The following ZFHX3 variants were observed in gnomAD, a reference collection of about 807,000 sequenced individuals.
The protein encoded by ZFHX3 is zinc finger homeobox protein 3.
ZFHX3 carries 42 observed loss-of-function variants against 279.1 expected under a neutral mutation model. The ratio of observed to expected loss-of-function variants is 0.15; its 90% confidence interval spans 0.12 to 0.19. ZFHX3 has a LOEUF of 0.19. ZFHX3 is among the 10% of genes least tolerant of loss of function. The probability of loss-of-function intolerance (pLI) is 1.00; values close to 1 mark genes in which losing one functional copy is unlikely to be tolerated. For missense variants in ZFHX3, 4,981 were observed against 4,754.0 expected (o/e 1.05, Z -1.40); for synonymous variants, 2,293 against 1,957.8 (o/e 1.17, Z -4.52).
intron 3 of ZFHX3, among the ~76,000 whole-genome samples, chr16:72,944,900 A>G (rs1960590248): frequency 6.6e-6 from 1 of 152,222 alleles, no homozygotes; most frequent in African/African-American, 2.4e-5. Context: ...TAAAAGTGCT[A>G]TGGTTAATGG....
chr16:73,074,702 A>T (rs183203033), intron 8 of ZFHX3, among the ~76,000 whole-genome samples: 117 of 147,454 alleles, frequency 7.9e-4, no homozygotes, highest in Non-Finnish European at 1.4e-3. Context: ...GGAAGGAGGG[A>T]AGGGAGGGAG....
chr16:73,370,533 G>T (rs1170698115), intron 3 of ZFHX3, among the ~76,000 whole-genome samples: 1 of 152,184 alleles, frequency 6.6e-6, no homozygotes, highest in Admixed American at 6.5e-5. Context: ...GCTCCCTGGA[G>T]TGGCTAGCTG....
intron 4 of ZFHX3, among the ~76,000 whole-genome samples, chr16:73,265,907 A>G (rs149428229): frequency 7.0e-4 from 106 of 152,348 alleles, no homozygotes; most frequent in Non-Finnish European, 1.1e-3. Context: ...AATAAGGAAA[A>G]TGTAAACAGC....
At chr16:73,391,910 C>T (rs557522684) in intron 3 of ZFHX3, among the ~76,000 whole-genome samples, 6 of 152,162 alleles carry the variant, frequency 3.9e-5, no homozygotes, top group African/African-American at 1.2e-4. Flanking sequence ...AAAAACAGAA[C>T]CACTGAAAAC....
At position 73,700,127 on chromosome 16, in the gene ZFHX3, G is replaced by T. The variant is rs2053233826; in HGVS notation, c.-1607-19887C>A. The stretch of plus-strand genomic sequence containing the variant: ...GGTCTCAGCTACGTGAAAGGCCGAT[G>T]TGGGAGGATCACTTGAGCTGGGAAA... On this transcript the variant is annotated intron_variant, in intron 1 of 17. Transcript: ENST00000641206. Among the ~76,000 whole-genome samples, 5 of 152,120 alleles carry T rather than the reference G, an allele frequency of 3.3e-5. No homozygotes were observed. In the South Asian group the frequency reaches 1.0e-3, roughly 32 times the overall value.
At chr16:73,876,944 T>A (rs60191342) in intron 1 of ZFHX3, among the ~76,000 whole-genome samples, 1 of 151,884 alleles carries the variant, frequency 6.6e-6, no homozygotes, top group Non-Finnish European at 1.5e-5. Context: ...TTAAATATTG[T>A]GAAGCCAATT....
chr16:73,101,101 C>T (rs1006659793), intron 7 of ZFHX3, among the ~76,000 whole-genome samples: 1 of 151,882 alleles, frequency 6.6e-6, no homozygotes, highest in African/African-American at 2.4e-5. Flanking sequence ...CTCTGAGTCC[C>T]GCTTGCCTTC....
At position 72,797,933 on chromosome 16, in the gene ZFHX3, A is replaced by G; in HGVS notation, c.4749T>C (p.Gly1583=). Reference sequence around the variant, plus strand: ...CTGGGCTGCTGGTGGGTTCTGGCTGACCGGTTGCTGATTCTTGAAGGGCTC... The same window carrying G: ...CTGGGCTGCTGGTGGGTTCTGGCTGGCCGGTTGCTGATTCTTGAAGGGCTC... ...LKRALQESAT[G]QPEPTSSPDN... is the part of the protein sequence containing the mutation. Residue 1583 remains glycine (G), a synonymous_variant, in exon 9 of 10, where the codon GGT becomes GGC. Coordinates refer to ENST00000268489, the MANE Select transcript of ZFHX3 (RefSeq NM_006885.4). 6.2e-7 allele frequency: 1 copy of G among 1,614,128 alleles called. No homozygotes were observed. Among genetic ancestry groups the G allele is most frequent in the Non-Finnish European group, 8.5e-7 (1 of 1,180,024 alleles).
chr16:73,824,024 T>G (rs1483775340), intron 1 of ZFHX3, among the ~76,000 whole-genome samples: 2 of 152,180 alleles, frequency 1.3e-5, no homozygotes, highest in Admixed American at 1.3e-4. Context: ...ACATCTCAAG[T>G]TGATTCCCTT....
At chr16:73,136,321 T>C (rs569916195) in intron 6 of ZFHX3, among the ~76,000 whole-genome samples, 25 of 152,324 alleles carry the variant, frequency 1.6e-4, no homozygotes, top group Admixed American at 1.6e-3. Flanking sequence ...GCCTTGTTTT[T>C]GGAATTTGGG....
chr16:73,597,889 T>A (rs1011073875), intron 2 of ZFHX3, among the ~76,000 whole-genome samples: 2 of 152,240 alleles, frequency 1.3e-5, no homozygotes, highest in Non-Finnish European at 2.9e-5. Flanking sequence ...AGTATAGCCC[T>A]TGGGTGTGAA....
intron 1 of ZFHX3, among the ~76,000 whole-genome samples, chr16:73,839,552 A>G (rs1282028852): frequency 6.6e-6 from 1 of 152,150 alleles, no homozygotes; most frequent in Non-Finnish European, 1.5e-5. Flanking sequence ...ACATCAGTTC[A>G]ATGGAATACA....
intron 1 of ZFHX3, among the ~76,000 whole-genome samples, chr16:73,687,306 C>T (rs2053098968): frequency 6.7e-6 from 1 of 150,318 alleles, no homozygotes; most frequent in Admixed American, 6.6e-5. Context: ...GTGGAAGGAT[C>T]ACTTGAGCTT....
At chr16:73,501,346 G>C (rs931769927) in intron 2 of ZFHX3, among the ~76,000 whole-genome samples, 3 of 152,154 alleles carry the variant, frequency 2.0e-5, no homozygotes, top group Non-Finnish European at 4.4e-5. Flanking sequence ...ACACACTCAC[G>C]TACAGACAAT....
At chr16:73,438,001 C>T (rs116641798) in intron 3 of ZFHX3, among the ~76,000 whole-genome samples, 131 of 152,130 alleles carry the variant, frequency 8.6e-4, no homozygotes, top group African/African-American at 3.0e-3. Context: ...CAACTTTTTA[C>T]TTGGCATCTT....
At chr16:73,093,538 A>G (rs367579401) in exon 8 of ZFHX3, 23 of 508,960 alleles carry the variant, frequency 4.5e-5, no homozygotes, top group Admixed American at 4.2e-4. Context: ...GGGCTGTCAC[A>G]CAAGCCTGGA....
chr16:72,976,586 T>A (rs1318990991), intron 1 of ZFHX3, among the ~76,000 whole-genome samples: 1 of 152,188 alleles, frequency 6.6e-6, no homozygotes, highest in Non-Finnish European at 1.5e-5. Flanking sequence ...AGGAAGGAAC[T>A]GGAAGGCAGT....
rs1296325554 is a variant in ZFHX3 at position 72,835,313 on chromosome 16, C to A, written c.3449-5454G>T. 2.6e-5 allele frequency among the ~76,000 whole-genome samples: 4 copies of A among 152,080 alleles called. No individual in the cohort carries two copies. The East Asian group carries it at 7.7e-4, about 29-fold the overall frequency. ...GCAGCTCTGACAGGCGAGATGTGCA[C>A]AGACACCCACTTTCCATTATAATGG... On this transcript the variant is annotated intron_variant, in intron 4 of 9. Coordinates refer to ENST00000268489, the MANE Select transcript of ZFHX3 (RefSeq NM_006885.4).
chr16:73,374,275 GT>G (rs200210454), intron 3 of ZFHX3, among the ~76,000 whole-genome samples: 7 of 151,872 alleles, frequency 4.6e-5, no homozygotes, highest in Non-Finnish European at 8.8e-5. Context: ...TTATGACTTA[GT>G]TTTTTTTGTT....
Sources: gnomAD v4.1 joint callset for allele counts (sites outside exome capture counted in the v4.1 genomes callset) on GRCh38, gnomAD v4.1.1 for gene constraint, MANE v1.5 for transcripts, NCBI Gene and HGNC (gene_info 2026-07-23, HGNC 2026-07-21) for gene names.